The following TAL1 variants were observed in gnomAD, a reference collection of about 807,000 sequenced individuals.
The protein encoded by TAL1 is T-cell acute lymphocytic leukemia protein 1.
A neutral mutation model predicts 17.9 loss-of-function variants in TAL1; 8 were observed. The observed-to-expected ratio is 0.45, with a 90% CI of 0.26 to 0.81. The LOEUF is 0.81. Ranked by LOEUF, TAL1 falls within the 30% of genes least tolerant of loss-of-function variation. TAL1 has a pLI of 0.17. For synonymous variants in TAL1, 223 were observed against 218.6 expected, an observed-to-expected ratio of 1.02 and a Z score of -0.18; for missense variants, 466 against 486.9, an observed-to-expected ratio of 0.96 and a Z score of 0.40.
At chr1:47,225,458 A>G in exon 2 of TAL1, 2 of 1,228,750 alleles carry the variant, frequency 1.6e-6, no homozygotes, top group South Asian at 4.1e-5. Context: ...GAGAGAGGCC[A>G]GCGGCTGGCT....
exon 2 of TAL1, chr1:47,225,578 GCGGGGGCCGGGGCGGGCC>G (rs1643894850): frequency 7.8e-6 from 10 of 1,284,062 alleles, no homozygotes; most frequent in Non-Finnish European, 9.8e-6. Context: ...CGAGGCGGGC[GCGGGGGCCGGGGCGGGCC>G]CGGGAGGTCT....
At chr1:47,226,827 A>G (rs1643919836) in intron 1 of TAL1, among the ~76,000 whole-genome samples, 1 of 152,216 alleles carries the variant, frequency 6.6e-6, no homozygotes, top group African/African-American at 2.4e-5. Context: ...CTCCCATCCA[A>G]GAGCAGGACA....
rs187922914 is a variant in TAL1, at chr1:47,219,067, C to T, written c.*653G>A. 2.5e-4 allele frequency: 81 copies of T among 325,104 alleles called. No homozygotes were observed. The East Asian group carries it at 3.2e-3, about 13-fold the overall frequency. 20.1% of individuals were successfully genotyped at this position (325,104 alleles called of 1,614,324 possible). ...TTGGGGAGAAAGCAGAACTTTGATC[C>T]CCAGGGCAAGAAGTAAGGGCGACTG... is the stretch of plus-strand genomic sequence containing the variant. On this transcript the variant is annotated 3_prime_UTR_variant, in exon 4 of 4. Transcript: ENST00000294339.
chr1:47,221,454 C>T lies in TAL1; in HGVS notation c.542-1280G>A, dbSNP rs796672417. Among the ~76,000 whole-genome samples the T allele has an allele frequency of 7.2e-5, 11 of 152,302 alleles. 1 individual carries two copies. The highest frequency in any genetic ancestry group is 2.6e-4 in the African/African-American group (11 of 41,558). On this transcript the variant is annotated intron_variant, in intron 3 of 3. Transcript: ENST00000294339. ...TCTAGGGCACTTATGGTGTGCAAAG[C>T]ACTGTGCTGTGTTCAAGACTCACTG... is the stretch of plus-strand genomic sequence containing the variant.
intron 1 of TAL1, chr1:47,228,309 C>G (rs7534271): frequency 0.48 from 84,269 of 177,046 alleles, 22,915 homozygotes; most frequent in Middle Eastern, 0.65. Flanking sequence ...GGCGACTAAG[C>G]TGCATCACTT....
rs1453465300 is a variant in TAL1, at chr1:47,216,665, G to A, written c.*3055C>T. The stretch of plus-strand genomic sequence containing the variant: ...GCTGACTACAGATGCTGTGCCCTTT[G>A]TTTTATTTTGGAAAAGAATAAAGGT... On this transcript the variant is annotated 3_prime_UTR_variant, in exon 4 of 4. Coordinates refer to ENST00000294339, the Ensembl canonical transcript of TAL1. 3 of 231,556 alleles carry A rather than the reference G, an allele frequency of 1.3e-5. No homozygotes were observed. In the East Asian group the frequency reaches 1.8e-4, roughly 14 times the overall value. The allele number at this position is 231,556 out of a possible 1,614,324, so 14.3% of individuals were successfully genotyped here.
chr1:47,216,748 T>C, exon 4 of TAL1: 1 of 231,608 alleles, frequency 4.3e-6, no homozygotes, highest in Admixed American at 5.6e-5. Context: ...TCTTAAAAGA[T>C]GTGATTCCCT....
exon 4 of TAL1, chr1:47,217,666 T>C (rs2148582488): frequency 2.5e-6 from 1 of 398,594 alleles, no homozygotes; most frequent in Non-Finnish European, 4.4e-6. Flanking sequence ...CAGAGTCACA[T>C]GGCAAGTCTG....
At chr1:47,226,590 C>T (rs1255699966) in intron 1 of TAL1, among the ~76,000 whole-genome samples, 1 of 152,224 alleles carries the variant, frequency 6.6e-6, no homozygotes, top group Admixed American at 6.5e-5. Context: ...CTACACTGAG[C>T]AAATCCACTG....
chr1:47,219,964 G>A, exon 4 of TAL1: 1 of 1,577,980 alleles, frequency 6.3e-7, no homozygotes, highest in Non-Finnish European at 8.6e-7. Flanking sequence ...GGCCCGCTGG[G>A]TGCCCTCCTC....
exon 4 of TAL1, chr1:47,216,819 T>C: frequency 4.3e-6 from 1 of 231,884 alleles, no homozygotes; most frequent in Non-Finnish European, 8.5e-6. Flanking sequence ...ACCTTTATGT[T>C]CTTTCCCCTT....
At chr1:47,220,038 A>G in exon 4 of TAL1, 1 of 1,613,744 alleles carries the variant, frequency 6.2e-7, no homozygotes, top group Non-Finnish European at 8.5e-7. Flanking sequence ...GGAGGATCTC[A>G]TTCTTGCTGA....
chr1:47,232,022 G>GC (rs537925581), upstream of TAL1: 5,990 of 178,874 alleles, frequency 0.033, 96 homozygotes, highest in Non-Finnish European at 0.047. Context: ...CCCCCCCACC[G>GC]CCCCCCCCGG....
chr1:47,221,130 T>C (rs1400595586), intron 3 of TAL1, among the ~76,000 whole-genome samples: 1 of 152,166 alleles, frequency 6.6e-6, no homozygotes, highest in Non-Finnish European at 1.5e-5. Context: ...GGGGGGACTT[T>C]ATCCTAAGGG....
At chr1:47,218,632 G>C in exon 4 of TAL1, 1 of 232,978 alleles carries the variant, frequency 4.3e-6, no homozygotes, top group East Asian at 6.0e-5. Context: ...AGTGAGGCTG[G>C]ATCCTGGTCC....
chr1:47,219,526 A>G, exon 4 of TAL1: 2 of 877,422 alleles, frequency 2.3e-6, no homozygotes, highest in Admixed American at 2.0e-5. Flanking sequence ...CATTTTTCTG[A>G]TCTCCTACTG....
At chr1:47,217,119 C>T (rs1380640405) in exon 4 of TAL1, 2 of 237,208 alleles carry the variant, frequency 8.4e-6, no homozygotes, top group Non-Finnish European at 1.7e-5. Context: ...ATGGCTGACA[C>T]CTGTGATCCC....
exon 4 of TAL1, chr1:47,216,874 A>C (rs1007371685): frequency 4.3e-6 from 1 of 231,760 alleles, no homozygotes; most frequent in African/African-American, 2.2e-5. Flanking sequence ...TTCATGGGTA[A>C]CAAGGAAGGA....
intron 3 of TAL1, among the ~76,000 whole-genome samples, chr1:47,223,046 A>T (rs2148588703): frequency 6.6e-6 from 1 of 152,164 alleles, no homozygotes; most frequent in South Asian, 2.1e-4. Context: ...TGTTGTGCAG[A>T]TCCCAGCCCC....
Sources: allele counts gnomAD v4.1 joint callset (sites outside exome capture counted in the v4.1 genomes callset), GRCh38; gene constraint gnomAD v4.1.1; transcripts MANE v1.5; gene names NCBI Gene and HGNC (gene_info 2026-07-23, HGNC 2026-07-21).